Variants in LRSAM1 observed in about 807,000 individuals in gnomAD.
The protein encoded by LRSAM1 is leucine rich repeat and sterile alpha motif containing 1, also known as E3 ubiquitin-protein ligase LRSAM1.
LRSAM1 carries 96 observed loss-of-function variants against 118.1 expected under a neutral mutation model. The ratio of observed to expected loss-of-function variants is 0.81; its 90% CI spans 0.69 to 0.96. The LOEUF (loss-of-function observed/expected upper bound fraction) is 0.96. Ranked by LOEUF, LRSAM1 falls within the 40% of genes least tolerant of loss-of-function variation. The pLI is 0.00. For synonymous variants in LRSAM1, 322 were observed against 364.2 expected, an observed-to-expected ratio of 0.88 and a Z score of 1.32; for missense variants, 804 against 915.5, an observed-to-expected ratio of 0.88 and a Z score of 1.57.
At chr9:127,458,462 C>G (rs758772061) in intron 6 of LRSAM1, among the ~76,000 whole-genome samples, 1 of 151,616 alleles carries the variant, frequency 6.6e-6, no homozygotes, top group African/African-American at 2.4e-5. Flanking sequence ...TGCTTGTAAT[C>G]CCAGCTACTT....
intron 9 of LRSAM1, among the ~76,000 whole-genome samples, chr9:127,466,504 ATTTTT>A (rs869115663): frequency 2.4e-4 from 6 of 24,520 alleles, no homozygotes; most frequent in South Asian, 1.6e-3. Flanking sequence ...ATATATATAT[ATTTTT>A]TTTTTTTTTT....
chr9:127,491,232 T>C lies in LRSAM1; in HGVS notation c.1440T>C (p.Thr480=). 6.2e-7 allele frequency: 1 copy of C among 1,613,652 alleles called. No homozygotes were observed. The highest frequency in any genetic ancestry group is 8.5e-7 in the Non-Finnish European group (1 of 1,179,848). The change falls in exon 20 of 26, where the codon ACT becomes ACC. Residue 480 remains threonine, a synonymous_variant. Coordinates refer to ENST00000300417, the MANE Select transcript of LRSAM1 (RefSeq NM_001005373.4). ...QIRSQIKLIE[T]ELLQLTQLEL... is the part of the protein sequence containing the mutation. ...CTGTTTAGATTAAGTTAATAGAAAC[T>C]GAGTTATTGCAGCTGACACAGCTGG...
chr9:127,482,690 A>G (rs113001899), intron 15 of LRSAM1, among the ~76,000 whole-genome samples: 10 of 152,354 alleles, frequency 6.6e-5, no homozygotes, highest in African/African-American at 2.4e-4. Flanking sequence ...TGATCACTTG[A>G]ATTTCAGCAT....
intron 11 of LRSAM1, 106 bp from the exon 12 acceptor site, chr9:127,478,828 G>A: frequency 9.3e-7 from 1 of 1,080,356 alleles, no homozygotes; most frequent in Non-Finnish European, 1.4e-6. Context: ...GTCTGGGGTG[G>A]GCCAGAGTTT....
At chr9:127,469,699 C>T (rs968089865) in intron 10 of LRSAM1, among the ~76,000 whole-genome samples, 5 of 151,934 alleles carry the variant, frequency 3.3e-5, no homozygotes, top group South Asian at 2.1e-4. Flanking sequence ...CGCGGTGGCT[C>T]GCGCCTGTAA....
chr9:127,489,939 C>T (rs1329886657), intron 19 of LRSAM1, among the ~76,000 whole-genome samples: 1 of 152,238 alleles, frequency 6.6e-6, no homozygotes, highest in Non-Finnish European at 1.5e-5. Flanking sequence ...TAGTATTTCC[C>T]CCAGAAGAGG....
At chr9:127,470,016 C>G (rs1339006702) in intron 10 of LRSAM1, among the ~76,000 whole-genome samples, 2 of 151,608 alleles carry the variant, frequency 1.3e-5, no homozygotes, top group Admixed American at 6.6e-5. Context: ...CAAGAATTAG[C>G]AAAGATGTGG....
chr9:127,477,291 A>C (rs1337123552), intron 11 of LRSAM1, among the ~76,000 whole-genome samples: 1 of 152,146 alleles, frequency 6.6e-6, no homozygotes, highest in Non-Finnish European at 1.5e-5. Context: ...TCAAACTTTT[A>C]CAAGGAGAAT....
chr9:127,479,342 C>A (rs1213875796), intron 12 of LRSAM1, 41 bp from the exon 13 acceptor site: 31 of 1,613,734 alleles, frequency 1.9e-5, no homozygotes, highest in Non-Finnish European at 2.6e-5. Flanking sequence ...CTAACTCCCC[C>A]AGGGCCTGTG....
chr9:127,497,106 C>T (rs551894704), intron 23 of LRSAM1, 147 bp from the exon 24 acceptor site: 79 of 758,304 alleles, frequency 1.0e-4, no homozygotes, highest in Middle Eastern at 3.6e-4. Flanking sequence ...TCATCCTGAC[C>T]GTGGGCCCCG....
chr9:127,481,342 GC>G (rs1427348612), intron 15 of LRSAM1, 115 bp downstream of exon 15: 1 of 1,095,968 alleles, frequency 9.1e-7, no homozygotes, highest in Non-Finnish European at 1.3e-6. Context: ...AACCCCCGCC[GC>G]CCAGGTCCAA....
chr9:127,462,067 T>A (rs1301742293), intron 8 of LRSAM1, among the ~76,000 whole-genome samples, 185 bp from the exon 9 acceptor site: 2 of 152,152 alleles, frequency 1.3e-5, no homozygotes, highest in African/African-American at 2.4e-5. Context: ...TTGTCTAAAG[T>A]CTCTTGGCTA....
intron 25 of LRSAM1, among the ~76,000 whole-genome samples, chr9:127,501,718 C>G (rs1454589678): frequency 6.6e-6 from 1 of 152,098 alleles, no homozygotes; most frequent in East Asian, 1.9e-4. Flanking sequence ...GCAGACAGAT[C>G]GAGATTCCAT....
chr9:127,495,414 T>C lies in LRSAM1; in HGVS notation c.1694T>C (p.Leu565Pro), dbSNP rs1836091590. 1.9e-6 allele frequency: 3 copies of C among 1,613,524 alleles called. No homozygotes were observed. The highest frequency in any genetic ancestry group is 1.7e-6 in the Non-Finnish European group (2 of 1,179,852). Reference sequence around the variant, plus strand: ...AACCAGAAGCCCTTGTCCTTGAAGCTGCAAGTAAGGACTGCTGGTGCCTGT... The same window carrying C: ...AACCAGAAGCCCTTGTCCTTGAAGCCGCAAGTAAGGACTGCTGGTGCCTGT... ...LLNQKPLSLK[L>P]QEEGMERQLV... Residue 565 changes from leucine (L) to proline (P), a missense_variant, in exon 22 of 26, where the codon CTG becomes CCG. Physicochemically the swap from Leu to Pro is moderately conservative, Grantham distance 98 (BLOSUM62 -3). Coordinates refer to ENST00000300417, the MANE Select transcript of LRSAM1 (RefSeq NM_001005373.4).
chr9:127,488,706 A>G (rs964142660), intron 18 of LRSAM1, among the ~76,000 whole-genome samples: 1 of 147,448 alleles, frequency 6.8e-6, no homozygotes, highest in African/African-American at 2.5e-5. Flanking sequence ...CGATCCTCCC[A>G]CCTTTGCCTC....
chr9:127,471,765 C>T (rs971071795), intron 10 of LRSAM1, among the ~76,000 whole-genome samples: 2 of 151,044 alleles, frequency 1.3e-5, no homozygotes, highest in South Asian at 2.1e-4. Context: ...CCAGCCTGGG[C>T]GACAGAGCAA....
Position 127,503,145 on chromosome 9 carries a change from A to G in LRSAM1, c.*246A>G, listed in dbSNP as rs1053985224. 9 of 554,282 alleles carry G rather than the reference A, an allele frequency of 1.6e-5. No homozygotes were observed. Among genetic ancestry groups the G allele is most frequent in the Non-Finnish European group, 2.6e-5 (8 of 309,730 alleles). 34.3% of individuals were successfully genotyped at this position (554,282 alleles called of 1,614,324 possible). On this transcript the variant is annotated 3_prime_UTR_variant, in exon 26 of 26. Coordinates refer to ENST00000300417, the MANE Select transcript of LRSAM1 (RefSeq NM_001005373.4). ...CTGGGGCTGGAGAGGCCGCTGCACC[A>G]CCACCCGAGCCTGGGAGCCAGCGTC...
chr9:127,471,915 G>A (rs1054304427), intron 10 of LRSAM1, among the ~76,000 whole-genome samples: 7 of 149,692 alleles, frequency 4.7e-5, no homozygotes, highest in East Asian at 4.1e-4. Context: ...CACCCACCTC[G>A]GCCTCCCGAA....
chr9:127,466,503 T>TAC (rs1834946572), intron 9 of LRSAM1, among the ~76,000 whole-genome samples: 2 of 22,696 alleles, frequency 8.8e-5, no homozygotes, highest in African/African-American at 3.6e-4. Flanking sequence ...TATATATATA[T>TAC]ATTTTTTTTT....
Sources: allele counts gnomAD v4.1 joint callset (sites outside exome capture counted in the v4.1 genomes callset), GRCh38; gene constraint gnomAD v4.1.1; transcripts MANE v1.5; gene names NCBI Gene and HGNC (gene_info 2026-07-23, HGNC 2026-07-21).